RAPGEF4: variants seen among roughly 807,000 people sequenced by gnomAD.
The protein encoded by RAPGEF4 is RAP guanine-nucleotide-exchange factor (GEF) 4.
In RAPGEF4, 66 loss-of-function variants were observed where a neutral mutation model predicts 147.9. The observed-to-expected ratio is 0.45, with a 90% confidence interval of 0.37 to 0.55. The LOEUF is 0.55. Ranked by LOEUF, RAPGEF4 falls within the 20% of genes least tolerant of loss-of-function variation. RAPGEF4 has a pLI of 0.00. For missense variants in RAPGEF4, 1,071 were observed against 1,257.3 expected (o/e 0.85, Z 2.24); for synonymous variants, 419 against 442.7 (o/e 0.95, Z 0.67).
intron 4 of RAPGEF4, chr2:172,814,691 T>C (rs183174411): frequency 1.8e-5 from 8 of 440,660 alleles, no homozygotes; most frequent in Non-Finnish European, 2.9e-5. Flanking sequence ...CCATAGAGTG[T>C]TTTATGTATT....
intron 10 of RAPGEF4, among the ~76,000 whole-genome samples, chr2:172,973,382 G>A (rs920219198): frequency 1.3e-5 from 2 of 152,124 alleles, no homozygotes; most frequent in Middle Eastern, 3.4e-3. Flanking sequence ...CAAAGTATTG[G>A]GATTATAGGC....
chr2:172,771,424 T>A (rs1001177135), intron 1 of RAPGEF4, among the ~76,000 whole-genome samples: 6 of 151,896 alleles, frequency 4.0e-5, no homozygotes, highest in African/African-American at 1.2e-4. Flanking sequence ...TTTTTTTTTT[T>A]AAATAAAGCG....
At chr2:172,736,650 CTAAAAATA>C (rs1157474852) in intron 1 of RAPGEF4, among the ~76,000 whole-genome samples, 8 of 152,146 alleles carry the variant, frequency 5.3e-5, no homozygotes, top group African/African-American at 1.9e-4. Flanking sequence ...GATCTTTACG[CTAAAAATA>C]ATTAAAACCA....
Position 173,033,973 on chromosome 2 carries a change from C to T in RAPGEF4, c.2700+9C>T. Reference sequence around the variant, plus strand: ...AGTTTGAAAGTTTAATGGTAAGTGACAGTGGCTTCTTTATTCTGTTCACTG... The same window carrying T: ...AGTTTGAAAGTTTAATGGTAAGTGATAGTGGCTTCTTTATTCTGTTCACTG... On this transcript the variant is annotated intron_variant, in intron 27 of 30. Transcript: ENST00000397081. The T allele has an allele frequency of 1.2e-6, 2 of 1,609,496 alleles. No individual in the cohort carries two copies. The highest frequency in any genetic ancestry group is 1.7e-6 in the Non-Finnish European group (2 of 1,177,910).
intron 18 of RAPGEF4, 34 bp from the exon 19 acceptor site, chr2:173,016,315 C>T (rs1199018122): frequency 6.8e-7 from 1 of 1,475,660 alleles, no homozygotes; most frequent in Admixed American, 1.7e-5. Flanking sequence ...TTTTGCAGTT[C>T]TTGTTAAAAG....
chr2:172,850,583 A>C (rs1575035734), intron 4 of RAPGEF4, among the ~76,000 whole-genome samples: 1 of 151,882 alleles, frequency 6.6e-6, no homozygotes, highest in Non-Finnish European at 1.5e-5. Context: ...ATGCCACTGC[A>C]CTCCAGCCTG....
chr2:173,024,120 T>C (rs1275997695), intron 23 of RAPGEF4, among the ~76,000 whole-genome samples: 1 of 152,174 alleles, frequency 6.6e-6, no homozygotes, highest in African/African-American at 2.4e-5. Context: ...CTGTGTAGAG[T>C]AAATTGGGAG....
intron 4 of RAPGEF4, among the ~76,000 whole-genome samples, chr2:172,818,347 G>GA (rs1688719289): frequency 6.6e-6 from 1 of 151,990 alleles, no homozygotes. Context: ...TTAAAAAAGA[G>GA]AAAAAACACT....
chr2:172,775,302 C>T (rs1365451362), intron 1 of RAPGEF4, among the ~76,000 whole-genome samples: 1 of 152,196 alleles, frequency 6.6e-6, no homozygotes, highest in African/African-American at 2.4e-5. Context: ...TGCAATCATT[C>T]AAACCTTGCC....
At chr2:172,955,040 C>A (rs535512288) in intron 6 of RAPGEF4, among the ~76,000 whole-genome samples, 2 of 152,126 alleles carry the variant, frequency 1.3e-5, no homozygotes, top group Admixed American at 1.3e-4. Flanking sequence ...GGCTTTTTAC[C>A]GCACTGGTTT....
rs3769272 is a variant in RAPGEF4, at chr2:172,896,099, A to G, written c.445-21703A>G. Among the ~76,000 whole-genome samples, 4 of 152,240 alleles carry G rather than the reference A, an allele frequency of 2.6e-5. No homozygotes were observed. In the East Asian group the frequency reaches 7.7e-4, roughly 29 times the overall value. ...CAATCTTCCATTCTTATGCCAGATT[A>G]CATGAACTGCCGAACTTCACACACA... is the stretch of plus-strand genomic sequence containing the variant. On this transcript the variant is annotated intron_variant, in intron 4 of 30. Coordinates refer to ENST00000397081, the MANE Select transcript of RAPGEF4 (RefSeq NM_007023.4).
chr2:172,781,080 A>T (rs76628770), intron 1 of RAPGEF4, among the ~76,000 whole-genome samples: 1 of 152,194 alleles, frequency 6.6e-6, no homozygotes, highest in African/African-American at 2.4e-5. Context: ...GAAACTCAAC[A>T]GTATTTTAGT....
At chr2:172,858,632 A>G (rs1292375077) in intron 4 of RAPGEF4, among the ~76,000 whole-genome samples, 1 of 152,276 alleles carries the variant, frequency 6.6e-6, no homozygotes, top group Non-Finnish European at 1.5e-5. Flanking sequence ...ATGGGAAGCT[A>G]TGCAGAGTTT....
In RAPGEF4 at chr2:172,814,259, T is replaced by C; in HGVS notation, c.298-20T>C. On this transcript the variant is annotated intron_variant, in intron 3 of 30. Coordinates refer to ENST00000397081, the MANE Select transcript of RAPGEF4 (RefSeq NM_007023.4). Reference sequence around the variant, plus strand: ...ATTAGATGTTTAATTTTCTAATGACTAGTTTTTTGGGATCCTCAGGATGCT... The same window carrying C: ...ATTAGATGTTTAATTTTCTAATGACCAGTTTTTTGGGATCCTCAGGATGCT... 6.2e-7 allele frequency: 1 copy of C among 1,612,996 alleles called. No individual in the cohort carries two copies. Among genetic ancestry groups the C allele is most frequent in the Non-Finnish European group, 8.5e-7 (1 of 1,179,038 alleles).
intron 6 of RAPGEF4, among the ~76,000 whole-genome samples, chr2:172,946,719 C>G (rs922808288): frequency 2.6e-5 from 4 of 152,190 alleles, no homozygotes; most frequent in African/African-American, 4.8e-5. Flanking sequence ...CCTTCTTCCC[C>G]CAACACAAAC....
chr2:172,840,049 A>G (rs1273784236), intron 4 of RAPGEF4, among the ~76,000 whole-genome samples: 1 of 152,136 alleles, frequency 6.6e-6, no homozygotes, highest in African/African-American at 2.4e-5. Flanking sequence ...CTTGTGTTTC[A>G]TCTCTAATTC....
At position 172,960,793 on chromosome 2, in the gene RAPGEF4, C is replaced by G; in HGVS notation, c.571C>G (p.Pro191Ala). The part of the protein sequence containing the change: ...PLIEPHVPLR[P>A]ANTITKVPSE... ...CATTGAACCTCACGTTCCTCTTCGT[C>G]CTGCTAACACCATTACCAAGGTAAT... The change falls in exon 7 of 31, where the codon CCT (proline) becomes GCT (alanine). Residue 191 changes from proline (P) to alanine (A), a missense_variant. Transcript: ENST00000397081. 1 of 1,606,822 alleles carries G rather than the reference C, an allele frequency of 6.2e-7. No homozygotes were observed. The highest frequency in any genetic ancestry group is 8.5e-7 in the Non-Finnish European group (1 of 1,176,480).
At chr2:172,896,991 C>G (rs959081255) in intron 4 of RAPGEF4, among the ~76,000 whole-genome samples, 1 of 152,088 alleles carries the variant, frequency 6.6e-6, no homozygotes, top group African/African-American at 2.4e-5. Context: ...CAGATTTGGG[C>G]TCCGTGTGGG....
chr2:172,810,210 T>C (rs935861556), intron 3 of RAPGEF4, among the ~76,000 whole-genome samples: 1 of 152,232 alleles, frequency 6.6e-6, no homozygotes, highest in Non-Finnish European at 1.5e-5. Context: ...GGCAAGTCAC[T>C]GAATATCCTT....
Sources: gnomAD v4.1 joint callset for allele counts (sites outside exome capture counted in the v4.1 genomes callset) on GRCh38, gnomAD v4.1.1 for gene constraint, MANE v1.5 for transcripts, NCBI Gene and HGNC (gene_info 2026-07-23, HGNC 2026-07-21) for gene names.